PDE4D: variants seen among roughly 807,000 people sequenced by gnomAD.
PDE4D encodes 3',5'-cyclic-AMP phosphodiesterase 4D.
PDE4D carries 24 observed loss-of-function variants against 87.4 expected under a neutral mutation model. The observed-to-expected ratio is 0.27, with a 90% CI of 0.20 to 0.39. The LOEUF is 0.39. Among genes scored for constraint, PDE4D ranks in the 10% least tolerant of loss-of-function variants. The probability of loss-of-function intolerance (pLI) is 1.00; values close to 1 mark genes in which losing one functional copy is unlikely to be tolerated. For missense variants in PDE4D, 714 were observed against 1,041.0 expected, an observed-to-expected ratio of 0.69 and a Z score of 4.32; for synonymous variants, 384 against 383.2, an observed-to-expected ratio of 1.00 and a Z score of -0.02.
At chr5:59,435,475 T>A (rs1211307112) in intron 1 of PDE4D, among the ~76,000 whole-genome samples, 1 of 152,176 alleles carries the variant, frequency 6.6e-6, no homozygotes, top group Non-Finnish European at 1.5e-5. Flanking sequence ...AGAACATTTT[T>A]CTCTTTCTTC....
At chr5:60,333,036 A>AGCTGGCT (rs1165508294) in intron 1 of PDE4D, among the ~76,000 whole-genome samples, 3 of 152,196 alleles carry the variant, frequency 2.0e-5, no homozygotes, top group African/African-American at 7.2e-5. Context: ...AAGGTCAACC[A>AGCTGGCT]GCTGGCTGGT....
chr5:59,128,464 G>A (rs1418727190), intron 5 of PDE4D, among the ~76,000 whole-genome samples: 1 of 152,152 alleles, frequency 6.6e-6, no homozygotes, highest in African/African-American at 2.4e-5. Context: ...AACCCAGTAT[G>A]CATTCCTACC....
In PDE4D at chr5:59,109,696, G is replaced by C. The variant is rs140059739; in HGVS notation, c.809-70725C>G. Among the ~76,000 whole-genome samples the C allele has an allele frequency of 4.6e-3, 695 of 152,190 alleles. 8 individuals carry two copies. Among genetic ancestry groups the C allele is most frequent in the African/African-American group, 0.016 (657 of 41,508 alleles). On this transcript the variant is annotated intron_variant, in intron 5 of 14. Transcript: ENST00000340635. ...GGCTTGTGGGATCTAGAGAGGAGAG[G>C]TCAAGGAGCAAGAGTGAAGTATCCC...
At chr5:59,587,909 T>C (rs1440566066) in intron 1 of PDE4D, among the ~76,000 whole-genome samples, 1 of 151,658 alleles carries the variant, frequency 6.6e-6, no homozygotes, top group Admixed American at 6.6e-5. Flanking sequence ...TGTTTGCTCG[T>C]TTTCCTTCTT....
chr5:60,197,082 TAGA>T (rs1741347074), intron 1 of PDE4D, among the ~76,000 whole-genome samples: 2 of 83,766 alleles, frequency 2.4e-5, no homozygotes, highest in African/African-American at 9.6e-5. Flanking sequence ...GACAGTTAGA[TAGA>T]TAGATAGATA....
chr5:59,041,819 T>C (rs1182625637), intron 5 of PDE4D, among the ~76,000 whole-genome samples: 1 of 152,218 alleles, frequency 6.6e-6, no homozygotes, highest in Non-Finnish European at 1.5e-5. Flanking sequence ...CACATTATAT[T>C]TCAGTTGTTA....
At chr5:59,447,133 A>T (rs1052715020) in intron 1 of PDE4D, among the ~76,000 whole-genome samples, 42 of 152,318 alleles carry the variant, frequency 2.8e-4, no homozygotes, top group African/African-American at 9.1e-4. Context: ...AGTGGCCAAG[A>T]TTGATGTTAT....
At chr5:59,869,093 A>G (rs1031136203) in intron 1 of PDE4D, among the ~76,000 whole-genome samples, 1 of 152,180 alleles carries the variant, frequency 6.6e-6, no homozygotes, top group African/African-American at 2.4e-5. Flanking sequence ...GGTCAGAAAA[A>G]CAAGCCTGCA....
chr5:60,291,007 T>C (rs1038987051), intron 1 of PDE4D, among the ~76,000 whole-genome samples: 7 of 152,208 alleles, frequency 4.6e-5, no homozygotes, highest in Admixed American at 2.6e-4. Context: ...GAACGAAATG[T>C]TCTGCACTGT....
intron 1 of PDE4D, among the ~76,000 whole-genome samples, chr5:59,831,525 T>G (rs1490874042): frequency 2.0e-5 from 3 of 152,058 alleles, no homozygotes; most frequent in Non-Finnish European, 4.4e-5. Context: ...CTGTAATCAC[T>G]GCACCAATCT....
chr5:60,081,809 C>T lies in PDE4D; in HGVS notation c.43-93092G>A, dbSNP rs142424430. 3.7e-4 allele frequency among the ~76,000 whole-genome samples: 57 copies of T among 152,210 alleles called. 1 individual carries two copies. Among genetic ancestry groups the T allele is most frequent in the Middle Eastern group, 3.4e-3 (1 of 294 alleles). On this transcript the variant is annotated intron_variant, in intron 2 of 16. Transcript: ENST00000502484. ...GCTTGTGGAGTTTCTGCTAAGAGGT[C>T]TGCCATTAGTCTGATGGGCTTCCCT...
intron 1 of PDE4D, among the ~76,000 whole-genome samples, chr5:60,202,249 G>A (rs776528601): frequency 6.6e-6 from 1 of 152,072 alleles, no homozygotes; most frequent in Non-Finnish European, 1.5e-5. Flanking sequence ...AATCAAACCT[G>A]TTGCCTGGGC....
At chr5:60,324,506 T>G (rs920331996) in intron 1 of PDE4D, among the ~76,000 whole-genome samples, 1 of 152,208 alleles carries the variant, frequency 6.6e-6, no homozygotes, top group Admixed American at 6.5e-5. Context: ...GGCATGGTAC[T>G]GTGCACCTGT....
intron 5 of PDE4D, among the ~76,000 whole-genome samples, chr5:59,107,498 T>C (rs1047195866): frequency 2.0e-5 from 3 of 152,132 alleles, no homozygotes; most frequent in Non-Finnish European, 2.9e-5. Context: ...CATGAGCCAC[T>C]GCACCTGGCA....
intron 1 of PDE4D, among the ~76,000 whole-genome samples, chr5:59,243,784 T>C (rs1758211411): frequency 6.6e-6 from 1 of 152,052 alleles, no homozygotes; most frequent in Non-Finnish European, 1.5e-5. Context: ...TTAAAATTTG[T>C]TGTAAAAACT....
chr5:59,304,025 C>T (rs549749384), intron 1 of PDE4D, among the ~76,000 whole-genome samples: 3 of 152,020 alleles, frequency 2.0e-5, no homozygotes, highest in Non-Finnish European at 4.4e-5. Flanking sequence ...TCCATGATCA[C>T]GGGATGTGTT....
At chr5:60,317,664 T>A (rs183164131) in intron 1 of PDE4D, among the ~76,000 whole-genome samples, 1 of 152,356 alleles carries the variant, frequency 6.6e-6, no homozygotes, top group East Asian at 1.9e-4. Flanking sequence ...ATTGAATGTA[T>A]CCCAGAGATT....
intron 1 of PDE4D, among the ~76,000 whole-genome samples, chr5:59,369,556 G>T (rs1251212644): frequency 6.6e-6 from 1 of 152,090 alleles, no homozygotes; most frequent in Non-Finnish European, 1.5e-5. Flanking sequence ...ATAAGCAGGG[G>T]CAGATGGGGC....
intron 1 of PDE4D, among the ~76,000 whole-genome samples, chr5:59,334,259 T>G (rs1402656822): frequency 7.1e-6 from 1 of 141,150 alleles, no homozygotes; most frequent in Non-Finnish European, 1.5e-5. Flanking sequence ...TTTTTTTTTT[T>G]TTTTTTTTTT....
Sources: gnomAD v4.1 joint callset for allele counts (sites outside exome capture counted in the v4.1 genomes callset) on GRCh38, gnomAD v4.1.1 for gene constraint, MANE v1.5 for transcripts, NCBI Gene and HGNC (gene_info 2026-07-23, HGNC 2026-07-21) for gene names.